The following TSC22D1 variants were observed in gnomAD, a reference collection of about 807,000 sequenced individuals.
The protein encoded by TSC22D1 is TSC22 domain family member 1, also known as TSC22 domain family protein 1.
A neutral mutation model predicts 74.2 loss-of-function variants in TSC22D1; 9 were observed. The ratio of observed to expected loss-of-function variants is 0.12; its 90% CI spans 0.07 to 0.21. The LOEUF (loss-of-function observed/expected upper bound fraction) is 0.21. Among genes scored for constraint, TSC22D1 ranks in the 10% least tolerant of loss-of-function variants. The probability of loss-of-function intolerance (pLI) is 1.00; values close to 1 mark genes in which losing one functional copy is unlikely to be tolerated. For missense variants in TSC22D1, 1,427 were observed against 1,304.7 expected, an observed-to-expected ratio of 1.09 and a Z score of -1.44; for synonymous variants, 586 against 492.5, an observed-to-expected ratio of 1.19 and a Z score of -2.51.
intron 1 of TSC22D1, among the ~76,000 whole-genome samples, chr13:44,566,152 A>G (rs898570350): frequency 3.9e-5 from 6 of 152,032 alleles, no homozygotes; most frequent in African/African-American, 1.4e-4. Context: ...AAGCCTGCCT[A>G]TTTTTTAGGT....
At chr13:44,505,657 G>GA (rs766708040) in intron 1 of TSC22D1, among the ~76,000 whole-genome samples, 27 of 152,250 alleles carry the variant, frequency 1.8e-4, no homozygotes, top group Non-Finnish European at 3.5e-4. Context: ...AATTATCCCA[G>GA]AAAAAACTCT....
At chr13:44,517,825 GTGTGTATATATATATATA>G (rs1380374820) in intron 1 of TSC22D1, among the ~76,000 whole-genome samples, 1 of 19,256 alleles carries the variant, frequency 5.2e-5, no homozygotes, top group African/African-American at 1.6e-4. Flanking sequence ...GTGTGTGTGT[GTGTGTATATATATATATA>G]TATATATATA....
intron 1 of TSC22D1, among the ~76,000 whole-genome samples, chr13:44,509,828 T>C (rs1335791666): frequency 1.3e-5 from 2 of 151,814 alleles, no homozygotes; most frequent in Non-Finnish European, 2.9e-5. Flanking sequence ...GAATATGTAA[T>C]GGTTCACTAA....
rs777148633 is a variant in TSC22D1 at position 44,575,400 on chromosome 13, CTGATGGTGG to C, written c.666_674del (p.His222_His224del). 9 of 1,613,832 alleles carry C rather than the reference CTGATGGTGG, an allele frequency of 5.6e-6. No individual in the cohort carries two copies. The highest frequency in any genetic ancestry group is 7.6e-6 in the Non-Finnish European group (9 of 1,179,858). ...GTTGGAGGTGGTGCCCATGATGAAT[CTGATGGTGG>C]TGATGGAGGTGGTGTGGATGAGCAT... On this transcript the variant is annotated inframe_deletion, in exon 1 of 3. Transcript: ENST00000458659.
At chr13:44,472,674 T>A (rs2137911264) in intron 1 of TSC22D1, among the ~76,000 whole-genome samples, 1 of 152,314 alleles carries the variant, frequency 6.6e-6, no homozygotes, top group South Asian at 2.1e-4. Context: ...TGTGGTGGCA[T>A]GTGCCTGTAG....
At chr13:44,559,718 T>A (rs1310364484) in intron 1 of TSC22D1, among the ~76,000 whole-genome samples, 1 of 148,572 alleles carries the variant, frequency 6.7e-6, no homozygotes, top group Non-Finnish European at 1.5e-5. Context: ...TGAGACACAG[T>A]CTTGCTCTGC....
intron 1 of TSC22D1, among the ~76,000 whole-genome samples, chr13:44,445,216 T>TACACACACACAC (rs55714213): frequency 4.8e-5 from 7 of 144,784 alleles, no homozygotes; most frequent in Middle Eastern, 3.5e-3. Context: ...AGGTCAAAGA[T>TACACACACACAC]ACACACACAC....
upstream of TSC22D1, chr13:44,577,109 T>C (rs1595188370): frequency 6.5e-6 from 1 of 152,942 alleles, no homozygotes; most frequent in East Asian, 1.9e-4. Flanking sequence ...GGCGGCTCCT[T>C]TCTCCGCGGC....
Position 44,574,629 on chromosome 13 carries a change from C to T in TSC22D1, c.1446G>A (p.Glu482=). Residue 482 remains glutamate (E), a synonymous_variant, in exon 1 of 3, where the codon GAG becomes GAA. Transcript: ENST00000458659. ...CTCCCATCTCTCCACTTCCCACACT[C>T]TCTGTATAGTGACTCAGTGTGCTGA... The part of the protein sequence containing the change: ...SSVSTLSHYT[E]SVGSGEMGAP... The T allele has an allele frequency of 6.2e-7, 1 of 1,614,134 alleles. No homozygotes were observed. The highest frequency in any genetic ancestry group is 8.5e-7 in the Non-Finnish European group (1 of 1,180,050).
chr13:44,436,244 C>T (rs918050004), intron 1 of TSC22D1, 149 bp from the exon 2 acceptor site: 12 of 995,396 alleles, frequency 1.2e-5, no homozygotes, highest in Non-Finnish European at 1.6e-5. Flanking sequence ...CCAGAAAATG[C>T]CAGCCCCTCT....
chr13:44,441,591 T>C (rs886089540), intron 1 of TSC22D1, among the ~76,000 whole-genome samples: 5 of 151,962 alleles, frequency 3.3e-5, no homozygotes, highest in African/African-American at 1.2e-4. Flanking sequence ...AAGCAAGAAA[T>C]AGTGTAAGTA....
At chr13:44,538,136 T>C (rs1203354548) in intron 1 of TSC22D1, 1 of 985,360 alleles carries the variant, frequency 1.0e-6, no homozygotes, top group Non-Finnish European at 1.2e-6. Flanking sequence ...TTCTGCTCTG[T>C]AAACTACTGT....
intron 1 of TSC22D1, among the ~76,000 whole-genome samples, chr13:44,552,297 T>G (rs1019919331): frequency 5.3e-5 from 8 of 152,212 alleles, no homozygotes; most frequent in African/African-American, 1.9e-4. Flanking sequence ...TAGACAAGAA[T>G]GTTCAATTGG....
At chr13:44,450,364 G>C (rs1350710850) in intron 1 of TSC22D1, among the ~76,000 whole-genome samples, 1 of 152,226 alleles carries the variant, frequency 6.6e-6, no homozygotes, top group East Asian at 1.9e-4. Flanking sequence ...TGTGATGGGA[G>C]ACTGGACTTT....
intron 1 of TSC22D1, among the ~76,000 whole-genome samples, chr13:44,490,358 G>GTTT (rs75742133): frequency 1.5e-5 from 2 of 136,008 alleles, no homozygotes; most frequent in Non-Finnish European, 3.2e-5. Context: ...AGAATGCTAA[G>GTTT]TTTTTTTTTT....
intron 1 of TSC22D1, among the ~76,000 whole-genome samples, chr13:44,527,135 A>T (rs1279817198): frequency 2.0e-5 from 3 of 152,212 alleles, no homozygotes; most frequent in African/African-American, 4.8e-5. Context: ...TTTCTCAGAT[A>T]AAAATAGAGA....
At chr13:44,536,605 C>T in intron 1 of TSC22D1, 1 of 403,148 alleles carries the variant, frequency 2.5e-6, no homozygotes, top group Non-Finnish European at 3.4e-6. Flanking sequence ...CTCTAATCAG[C>T]CATTATTTTC....
intron 1 of TSC22D1, among the ~76,000 whole-genome samples, chr13:44,439,402 T>G (rs1875005922): frequency 1.3e-5 from 2 of 152,196 alleles, no homozygotes; most frequent in Non-Finnish European, 2.9e-5. Context: ...GAAGACATAA[T>G]TTGAAAAAGA....
rs58111185 is a variant in TSC22D1, at chr13:44,546,749, CGTGTGTGTGTGT to C, written c.2912+26402_2912+26413del. ...GTATATGGGAATTCTGTGTGAAATA[CGTGTGTGTGTGT>C]GTGTGTGTGTGTGTAGGTATGTATG... On this transcript the variant is annotated intron_variant, in intron 1 of 2. Transcript: ENST00000458659. Among the ~76,000 whole-genome samples the C allele has an allele frequency of 6.8e-5, 10 of 146,736 alleles. No homozygotes were observed. The South Asian group carries it at 2.0e-3, about 29-fold the overall frequency.
Sources: gnomAD v4.1 joint callset for allele counts (sites outside exome capture counted in the v4.1 genomes callset) on GRCh38, gnomAD v4.1.1 for gene constraint, MANE v1.5 for transcripts, NCBI Gene and HGNC (gene_info 2026-07-23, HGNC 2026-07-21) for gene names.